Variants in MED27 observed in about 807,000 individuals in gnomAD.
The protein encoded by MED27 is mediator of RNA polymerase II transcription subunit 27.
A neutral mutation model predicts 38.2 loss-of-function variants in MED27; 30 were observed. The ratio of observed to expected loss-of-function variants is 0.79; its 90% CI spans 0.59 to 1.07. The LOEUF is 1.07. MED27 is among the 50% of genes least tolerant of loss of function. The pLI is 0.00. For synonymous variants in MED27, 122 were observed against 153.5 expected, an observed-to-expected ratio of 0.79 and a Z score of 1.52; for missense variants, 289 against 397.5, an observed-to-expected ratio of 0.73 and a Z score of 2.32.
intron 3 of MED27, among the ~76,000 whole-genome samples, chr9:131,955,908 A>C (rs772883790): frequency 4.6e-5 from 7 of 152,034 alleles, no homozygotes; most frequent in Non-Finnish European, 8.8e-5. Context: ...CTGAAACTAG[A>C]GAAAGACACT....
chr9:131,971,091 A>C (rs545914146), intron 3 of MED27, among the ~76,000 whole-genome samples: 1 of 152,366 alleles, frequency 6.6e-6, no homozygotes, highest in South Asian at 2.1e-4. Context: ...AAAAAGCAAA[A>C]GCAAAAAAGA....
chr9:132,030,510 G>A (rs554189363), intron 2 of MED27, among the ~76,000 whole-genome samples: 30 of 152,130 alleles, frequency 2.0e-4, no homozygotes, highest in African/African-American at 6.8e-4. Flanking sequence ...TCCCTCCCGC[G>A]ACATAATGAA....
chr9:132,078,332 G>C (rs1269090255), intron 1 of MED27, among the ~76,000 whole-genome samples: 1 of 152,140 alleles, frequency 6.6e-6, no homozygotes. Flanking sequence ...AAAGATTTAA[G>C]AAGGCAAAAG....
chr9:131,946,376 AG>A (rs894827828), intron 3 of MED27, among the ~76,000 whole-genome samples: 3 of 152,140 alleles, frequency 2.0e-5, no homozygotes, highest in African/African-American at 7.2e-5. Context: ...ACACTGTGTG[AG>A]GGTTCCCTTT....
chr9:131,865,304 A>G (rs797020229), intron 6 of MED27, among the ~76,000 whole-genome samples: 70 of 152,282 alleles, frequency 4.6e-4, no homozygotes, highest in African/African-American at 1.6e-3. Context: ...AAACAGTAGT[A>G]ATGATAACTT....
rs927343830 is a variant in MED27 at position 131,913,819 on chromosome 9, G to A, written c.574-19827C>T. Reference sequence around the variant, plus strand: ...GACACTTCTAACAAGCACCGAGGGCGGTCCAATGATTCCCTGAGCCACTGG... The same window carrying A: ...GACACTTCTAACAAGCACCGAGGGCAGTCCAATGATTCCCTGAGCCACTGG... On this transcript the variant is annotated intron_variant, in intron 4 of 7. Coordinates refer to ENST00000292035, the MANE Select transcript of MED27 (RefSeq NM_004269.4). The surrounding 1 kb of genome is among the most constrained non-coding windows in gnomAD (Gnocchi z 4.5). Among the ~76,000 whole-genome samples the A allele has an allele frequency of 2.0e-5, 3 of 152,130 alleles. No homozygotes were observed. Among genetic ancestry groups the A allele is most frequent in the East Asian group, 1.9e-4 (1 of 5,194 alleles).
intron 2 of MED27, among the ~76,000 whole-genome samples, chr9:132,071,045 G>A (rs148315425): frequency 5.6e-4 from 85 of 152,308 alleles, no homozygotes; most frequent in African/African-American, 1.6e-3. Flanking sequence ...CCTCAGCATC[G>A]TCTTAAGACA....
intron 1 of MED27, among the ~76,000 whole-genome samples, chr9:132,079,296 G>A (rs1345059266): frequency 6.6e-6 from 1 of 152,182 alleles, no homozygotes; most frequent in Admixed American, 6.5e-5. Flanking sequence ...ATTCGGATCA[G>A]ACGTGATGGG....
At chr9:132,079,282 C>T (rs981461908) in intron 1 of MED27, among the ~76,000 whole-genome samples, 1 of 152,270 alleles carries the variant, frequency 6.6e-6, no homozygotes, top group African/African-American at 2.4e-5. Flanking sequence ...TGTACTATTA[C>T]TACATTCGGA....
chr9:131,869,250 G>A, intron 6 of MED27: 1 of 985,438 alleles, frequency 1.0e-6, no homozygotes, highest in Non-Finnish European at 1.2e-6. Context: ...GGGTGGCTGT[G>A]GAGCACAGGA....
chr9:131,936,085 A>G lies in MED27; in HGVS notation c.573+3296T>C, dbSNP rs967215856. Among the ~76,000 whole-genome samples, 83 of 151,024 alleles carry G rather than the reference A, an allele frequency of 5.5e-4. 2 individuals carry two copies. Among genetic ancestry groups the G allele is most frequent in the African/African-American group, 2.0e-3 (81 of 40,990 alleles). On this transcript the variant is annotated intron_variant, in intron 4 of 7. Transcript: ENST00000292035. The stretch of plus-strand genomic sequence containing the variant: ...GCGGCTGAGGCTGCAATGAGCTGTG[A>G]TCACGCCACTGCACTCCAGCCTGGG...
chr9:131,981,339 G>T (rs1375633485), intron 3 of MED27, among the ~76,000 whole-genome samples: 1 of 152,124 alleles, frequency 6.6e-6, no homozygotes, highest in Non-Finnish European at 1.5e-5. Context: ...TTCAAAACTG[G>T]CGTAAGACAT....
chr9:131,981,401 C>T (rs912084918), intron 3 of MED27, among the ~76,000 whole-genome samples: 2 of 152,172 alleles, frequency 1.3e-5, no homozygotes, highest in Non-Finnish European at 2.9e-5. Flanking sequence ...AACTAAAATA[C>T]GATCTCTGAT....
chr9:131,873,287 A>C (rs1004238281), intron 6 of MED27, among the ~76,000 whole-genome samples: 1 of 152,302 alleles, frequency 6.6e-6, no homozygotes, highest in Middle Eastern at 3.4e-3. Flanking sequence ...TCGATGAAGA[A>C]TATTTAAAAC....
At chr9:132,057,008 T>C (rs1451735015) in intron 2 of MED27, among the ~76,000 whole-genome samples, 1 of 152,300 alleles carries the variant, frequency 6.6e-6, no homozygotes, top group African/African-American at 2.4e-5. Flanking sequence ...CAAGGGACCA[T>C]GGGGCCCCAC....
intron 4 of MED27, among the ~76,000 whole-genome samples, chr9:131,938,039 A>C (rs1353080718): frequency 6.6e-6 from 1 of 152,160 alleles, no homozygotes; most frequent in African/African-American, 2.4e-5. Flanking sequence ...GAAATTTTTT[A>C]AATATTATGT....
chr9:131,924,822 A>T (rs1830453655), intron 4 of MED27, among the ~76,000 whole-genome samples: 1 of 152,196 alleles, frequency 6.6e-6, no homozygotes, highest in South Asian at 2.1e-4. Context: ...TTTCCACATC[A>T]TCACCACCTT....
intron 4 of MED27, among the ~76,000 whole-genome samples, chr9:131,937,687 A>G (rs780572848): frequency 1.3e-5 from 2 of 152,108 alleles, no homozygotes; most frequent in Non-Finnish European, 2.9e-5. Context: ...GAACAAACCT[A>G]TTTCACTGAG....
intron 5 of MED27, among the ~76,000 whole-genome samples, chr9:131,888,068 T>C (rs974556443): frequency 3.3e-5 from 5 of 152,124 alleles, no homozygotes; most frequent in Admixed American, 2.6e-4. Flanking sequence ...ATTTATTCAC[T>C]GACAAGAACA....
Sources: gnomAD v4.1 joint callset for allele counts (sites outside exome capture counted in the v4.1 genomes callset) on GRCh38, gnomAD v4.1.1 for gene constraint, Gnocchi (gnomAD v3.1) non-coding constraint, MANE v1.5 for transcripts, NCBI Gene and HGNC (gene_info 2026-07-23, HGNC 2026-07-21) for gene names.